Variants in DNAH8 observed in about 807,000 individuals in gnomAD.
The protein encoded by DNAH8 is axonemal beta dynein heavy chain 8.
Under a neutral mutation model 562.1 loss-of-function variants are expected in DNAH8, and 382 were observed. The observed-to-expected ratio is 0.68, with a 90% CI of 0.63 to 0.74. The LOEUF (loss-of-function observed/expected upper bound fraction) is 0.74. DNAH8 is among the 30% of genes least tolerant of loss of function. The pLI is 0.00. For missense variants in DNAH8, 5,203 were observed against 5,620.4 expected (o/e 0.93, Z 2.37); for synonymous variants, 1,881 against 1,919.4 (o/e 0.98, Z 0.52).
chr6:38,763,050 T>C (rs1391786447), intron 11 of DNAH8: 2 of 395,384 alleles, frequency 5.1e-6, no homozygotes, highest in Admixed American at 6.4e-5. Flanking sequence ...GCTCATAAAG[T>C]AGTGGTTTTA....
intron 17 of DNAH8, among the ~76,000 whole-genome samples, chr6:38,784,619 T>A (rs1317317571): frequency 1.3e-5 from 2 of 152,236 alleles, no homozygotes; most frequent in African/African-American, 4.8e-5. Flanking sequence ...CTTTAAAAAA[T>A]GGTCATAGCT....
chr6:38,779,408 T>C (rs1346197059), intron 14 of DNAH8, among the ~76,000 whole-genome samples: 1 of 152,220 alleles, frequency 6.6e-6, no homozygotes, highest in East Asian at 1.9e-4. Flanking sequence ...TCTCTCTCTC[T>C]TTTTACCTGT....
rs2150337013 is a variant in DNAH8, at chr6:38,822,853, C to T, written c.3539C>T (p.Ala1180Val). 6.3e-7 allele frequency: 1 copy of T among 1,593,348 alleles called. No homozygotes were observed. Residue 1180 changes from alanine to valine, a missense_variant, in exon 27 of 93, where the codon GCT becomes GTT. Ala to Val is a moderately conservative substitution (Grantham distance 64). Around this residue, in one of 6 missense-constraint regions of DNAH8, gnomAD observed 2,176 missense variants for 2,365.1 expected, o/e 0.92. Transcript: ENST00000327475. ...CTGTTTTCAGGATCTTTTGAAGAAG[C>T]TATTCCTGCGAGGAAGCTGAAGAAT... ...LKKEERSFEE[A>V]IPARKLKNFY...
intron 16 of DNAH8, among the ~76,000 whole-genome samples, chr6:38,782,056 C>A (rs1170961628): frequency 1.3e-5 from 2 of 151,848 alleles, no homozygotes; most frequent in Non-Finnish European, 2.9e-5. Context: ...TGTATTATTT[C>A]AGCATTATTA....
chr6:38,836,962 T>G (rs1436898084), intron 32 of DNAH8, among the ~76,000 whole-genome samples: 2 of 152,204 alleles, frequency 1.3e-5, no homozygotes, highest in African/African-American at 4.8e-5. Context: ...ACACCATTAT[T>G]TTAATGTATT....
At chr6:38,818,982 CAT>C (rs747622799) in intron 26 of DNAH8, among the ~76,000 whole-genome samples, 6 of 152,202 alleles carry the variant, frequency 3.9e-5, no homozygotes, top group African/African-American at 7.2e-5. Context: ...TCTTGCTGGA[CAT>C]TTATTACTCG....
intron 14 of DNAH8, among the ~76,000 whole-genome samples, chr6:38,778,719 G>A (rs1467735834): frequency 6.6e-6 from 1 of 152,006 alleles, no homozygotes; most frequent in Non-Finnish European, 1.5e-5. Context: ...TCCCCTCCCT[G>A]CCCCCAGCCA....
At chr6:38,874,293 CCCCTCCCCTCCCCTCCCCTT>C (rs1177189865) in intron 52 of DNAH8, among the ~76,000 whole-genome samples, 6 of 59,636 alleles carry the variant, frequency 1.0e-4, no homozygotes, top group African/African-American at 3.2e-4. Context: ...CCCCTCCCCT[CCCCTCCCCTCCCCTCCCCTT>C]CCCTTCCCTT....
intron 82 of DNAH8, among the ~76,000 whole-genome samples, chr6:38,961,072 A>G (rs942047160): frequency 6.6e-6 from 1 of 152,026 alleles, no homozygotes; most frequent in African/African-American, 2.4e-5. Context: ...CCTAAATGAA[A>G]TAAGCTAGGC....
intron 37 of DNAH8, 89 bp downstream of exon 37, chr6:38,848,890 C>T: frequency 7.7e-7 from 1 of 1,300,356 alleles, no homozygotes; most frequent in Non-Finnish European, 1.1e-6. Flanking sequence ...GACATATGGT[C>T]AAGGCTTGAC....
intron 1 of DNAH8, among the ~76,000 whole-genome samples, chr6:38,719,370 C>T: frequency 6.6e-6 from 1 of 152,136 alleles, no homozygotes; most frequent in Non-Finnish European, 1.5e-5. Context: ...AGTTTTCCAA[C>T]CCTAACCCCC....
At chr6:38,984,496 A>ACACAC in intron 87 of DNAH8, 189 bp downstream of exon 87, 3 of 548,282 alleles carry the variant, frequency 5.5e-6, no homozygotes, top group East Asian at 6.4e-5. Context: ...ACACACACAC[A>ACACAC]ACAACCAGCA....
rs768888575 is a variant in DNAH8 at position 38,750,545 on chromosome 6, T to A, written c.1363T>A (p.Tyr455Asn). The part of the protein sequence containing the change: ...NESKDNVRYL[Y>N]TLEKVCQPLY... ...ATCCAAAGATAATGTCAGATATTTG[T>A]ATACTTTGGAAAAAGTGTGTCAACC... The change falls in exon 9 of 93, where the codon TAT becomes AAT. Residue 455 changes from tyrosine to asparagine, a missense_variant. Tyr to Asn is a moderately radical substitution (Grantham distance 143). Transcript: ENST00000327475. 1.2e-6 allele frequency: 2 copies of A among 1,612,150 alleles called. No individual in the cohort carries two copies. The highest frequency in any genetic ancestry group is 1.7e-6 in the Non-Finnish European group (2 of 1,179,046).
At chr6:38,790,707 C>T (rs1012432518) in intron 20 of DNAH8, among the ~76,000 whole-genome samples, 1 of 151,870 alleles carries the variant, frequency 6.6e-6, no homozygotes, top group Non-Finnish European at 1.5e-5. Context: ...CCTGTAATCC[C>T]AGCTACTCGG....
chr6:38,929,487 G>C (rs768798201), intron 74 of DNAH8, 24 bp from the exon 75 acceptor site: 5 of 1,596,082 alleles, frequency 3.1e-6, no homozygotes, highest in Non-Finnish European at 4.3e-6. Flanking sequence ...AACACAGATA[G>C]ACCAATGAGT....
intron 92 of DNAH8, among the ~76,000 whole-genome samples, chr6:39,029,737 C>T (rs1426665690): frequency 6.6e-6 from 1 of 152,174 alleles, no homozygotes; most frequent in East Asian, 1.9e-4. Context: ...CACCTGACAG[C>T]AGCTCTAGAT....
chr6:38,885,013 A>G (rs1405038180), intron 56 of DNAH8, among the ~76,000 whole-genome samples: 1 of 152,144 alleles, frequency 6.6e-6, no homozygotes, highest in African/African-American at 2.4e-5. Flanking sequence ...CGCCTCAGAC[A>G]CCACTAGAAG....
At chr6:38,910,360 C>T (rs889126715) in intron 65 of DNAH8, among the ~76,000 whole-genome samples, 2 of 152,194 alleles carry the variant, frequency 1.3e-5, no homozygotes, top group Non-Finnish European at 2.9e-5. Flanking sequence ...AATGGGCCAA[C>T]GTGGATCCCC....
chr6:38,947,096 G>A (rs912587033), intron 80 of DNAH8, among the ~76,000 whole-genome samples: 3 of 152,308 alleles, frequency 2.0e-5, no homozygotes, highest in African/African-American at 7.2e-5. Context: ...AGATAACAGA[G>A]ATTCAAAGAG....
Sources: gnomAD v4.1 joint callset for allele counts (sites outside exome capture counted in the v4.1 genomes callset) on GRCh38, gnomAD v4.1.1 for gene constraint, gnomAD v4.1.1 regional missense constraint, MANE v1.5 for transcripts, NCBI Gene and HGNC (gene_info 2026-07-23, HGNC 2026-07-21) for gene names.